The following HEPH variants were observed in gnomAD, a reference collection of about 807,000 sequenced individuals.
HEPH encodes the protein hephaestin.
Under a neutral mutation model 80.8 loss-of-function variants are expected in HEPH, and 69 were observed. The observed-to-expected ratio is 0.85, with a 90% CI of 0.70 to 1.04. The LOEUF (loss-of-function observed/expected upper bound fraction) is 1.04, where lower values mean the gene tolerates loss of function less well. HEPH is among the 50% of genes least tolerant of loss of function. HEPH has a pLI of 0.00. For synonymous variants in HEPH, 431 were observed against 322.8 expected, an observed-to-expected ratio of 1.34 and a Z score of -3.60; for missense variants, 1,115 against 891.3, an observed-to-expected ratio of 1.25 and a Z score of -3.20.
Position 66,200,111 on chromosome X carries a change from C to T in HEPH, c.1865-429C>T, listed in dbSNP as rs779013019. ...AGATGGAATTTTCAGATCCCCAACA[C>T]GTATGGGGGCGTGGAAAATGAGATC... On this transcript the variant is annotated intron_variant, in intron 11 of 20. Transcript: ENST00000343002. 2.2e-4 allele frequency among the ~76,000 whole-genome samples: 24 copies of T among 109,927 alleles called. 1 individual carries two copies. In the South Asian group the frequency reaches 9.5e-3, roughly 44 times the overall value.
At chrX:66,213,476 T>TA (rs990146187) in intron 15 of HEPH, among the ~76,000 whole-genome samples, 1 of 111,873 alleles carries the variant, frequency 8.9e-6, no homozygotes, top group Non-Finnish European at 1.9e-5. Context: ...TATGCAGCCA[T>TA]AAAAAATGAT....
intron 15 of HEPH, among the ~76,000 whole-genome samples, chrX:66,225,919 G>T (rs1029248502): frequency 8.9e-6 from 1 of 112,094 alleles, no homozygotes; most frequent in African/African-American, 3.2e-5. Context: ...GGGAGCTTCG[G>T]CAAGACTCAT....
In HEPH at chrX:66,203,285, C is replaced by T; in HGVS notation, c.2078-79C>T. On this transcript the variant is annotated intron_variant, in intron 12 of 20. Coordinates refer to ENST00000343002, the MANE Select transcript of HEPH (RefSeq NM_001367233.3). ...GAAACTAACTCTTTTCTGCAGTATG[C>T]CTAGGGAAAGGCAGGAAATCCCCCA... 7.0e-6 allele frequency: 6 copies of T among 862,705 alleles called. No individual in the cohort carries two copies. In the South Asian group the frequency reaches 9.1e-5, roughly 13 times the overall value. 71.1% of individuals were successfully genotyped at this position (862,705 alleles called of 1,213,427 possible).
At chrX:66,255,418 C>G (rs1214406341) in intron 16 of HEPH, among the ~76,000 whole-genome samples, 1 of 106,286 alleles carries the variant, frequency 9.4e-6, no homozygotes, top group Non-Finnish European at 1.9e-5. Context: ...CACAAACAAA[C>G]AAAAAACACA....
intron 17 of HEPH, among the ~76,000 whole-genome samples, chrX:66,258,523 G>A (rs1298175612): frequency 8.9e-6 from 1 of 111,798 alleles, no homozygotes; most frequent in African/African-American, 3.2e-5. Context: ...GTGGTTTGGA[G>A]TTATATTTTG....
chrX:66,199,821 G>A (rs762644829), intron 11 of HEPH, among the ~76,000 whole-genome samples: 2 of 111,954 alleles, frequency 1.8e-5, no homozygotes, highest in Non-Finnish European at 3.8e-5. Context: ...CATAAGGGAA[G>A]TTTATTCCAG....
At chrX:66,228,184 G>A (rs2089971260) in intron 15 of HEPH, among the ~76,000 whole-genome samples, 3 of 111,449 alleles carry the variant, frequency 2.7e-5, no homozygotes, top group Non-Finnish European at 5.7e-5. Flanking sequence ...CAAGCAAAAG[G>A]GGTTTCCTCT....
rs771762787 is a variant in HEPH at position 66,195,219 on chromosome X, G to T, written c.1491G>T (p.Val497=). The change falls in exon 9 of 21, where the codon GTG becomes GTT. Residue 497 remains valine (V), a synonymous_variant. Transcript: ENST00000343002. ...ATGAGAAAGACTATGAAGGCACTGT[G>T]TACAATGATGGTGAGCCAACAGGGT... ...VFYEKDYEGT[V]YNDGSSYPGL... 1 of 1,174,164 alleles carries T rather than the reference G, an allele frequency of 8.5e-7. No individual in the cohort carries two copies. The highest frequency in any genetic ancestry group is 2.4e-5 in the Admixed American group (1 of 42,018).
chrX:66,260,265 A>T lies in HEPH; in HGVS notation c.3199+3A>T. ...CTTCACTGTTTTTTCTCGAACAGGTAAGTCCTAACTTCCCCAAAATGATCA... is the reference window on the plus strand; with the variant it reads ...CTTCACTGTTTTTTCTCGAACAGGTTAGTCCTAACTTCCCCAAAATGATCA... On this transcript the variant is annotated splice_donor_region_variant and intron_variant, in intron 19 of 20. Coordinates refer to ENST00000343002, the MANE Select transcript of HEPH (RefSeq NM_001367233.3). 1 of 1,197,239 alleles carries T rather than the reference A, an allele frequency of 8.4e-7. No individual in the cohort carries two copies. Among genetic ancestry groups the T allele is most frequent in the Non-Finnish European group, 1.1e-6 (1 of 883,586 alleles).
chrX:66,264,759 G>T (rs896166604), intron 20 of HEPH, among the ~76,000 whole-genome samples: 57 of 105,359 alleles, frequency 5.4e-4, no homozygotes, highest in African/African-American at 1.9e-3. Context: ...TGGGCTTTCA[G>T]GCCATGTCTC....
Position 66,172,285 on chromosome X carries a change from C to T in HEPH, c.168-70C>T, listed in dbSNP as rs1185425174. On this transcript the variant is annotated intron_variant, in intron 2 of 20. Transcript: ENST00000343002. ...AGATAGTCACTTTTTGGTCAGTATC[C>T]TCTGGAAAAGGAACCTCTCAAGGCT... 9.3e-6 allele frequency: 10 copies of T among 1,069,550 alleles called. No homozygotes were observed. In the African/African-American group the frequency reaches 1.3e-4, roughly 14 times the overall value. 88.1% of individuals were successfully genotyped at this position (1,069,550 alleles called of 1,213,427 possible). A position where few individuals can be genotyped will look rare whatever the true frequency, so the allele number is the denominator to read the frequency against.
At chrX:66,220,800 T>G (rs889522597) in intron 15 of HEPH, among the ~76,000 whole-genome samples, 1 of 111,237 alleles carries the variant, frequency 9.0e-6, no homozygotes, top group Non-Finnish European at 1.9e-5. Flanking sequence ...GACCTTAATC[T>G]TACTTCAAAA....
intron 15 of HEPH, among the ~76,000 whole-genome samples, chrX:66,243,758 T>C (rs1029348554): frequency 1.8e-5 from 2 of 112,754 alleles, no homozygotes; most frequent in African/African-American, 6.4e-5. Context: ...CTTTATAGTG[T>C]CAATGGTCTA....
chrX:66,253,377 C>T (rs1427892386), intron 15 of HEPH, among the ~76,000 whole-genome samples: 1 of 112,274 alleles, frequency 8.9e-6, no homozygotes, highest in Admixed American at 9.4e-5. Context: ...GGTTAACCGT[C>T]AGAGAAATGG....
chrX:66,266,336 G>A, intron 20 of HEPH, 104 bp from the exon 21 acceptor site: 1 of 558,402 alleles, frequency 1.8e-6, no homozygotes, highest in Admixed American at 3.3e-5. Flanking sequence ...CAGGCCTCCT[G>A]TCCTATTTGG....
At chrX:66,231,134 A>G (rs1237462900) in intron 15 of HEPH, among the ~76,000 whole-genome samples, 5 of 109,630 alleles carry the variant, frequency 4.6e-5, no homozygotes, top group East Asian at 5.8e-4. Context: ...CCATTGATCT[A>G]TATCTCTGTT....
At chrX:66,219,300 C>A (rs1012692935) in intron 15 of HEPH, among the ~76,000 whole-genome samples, 1 of 111,974 alleles carries the variant, frequency 8.9e-6, no homozygotes, top group African/African-American at 3.2e-5. Flanking sequence ...CGAATCCATG[C>A]CACACTTGCA....
At chrX:66,251,528 T>C (rs1252897207) in intron 15 of HEPH, among the ~76,000 whole-genome samples, 1 of 112,404 alleles carries the variant, frequency 8.9e-6, no homozygotes, top group Non-Finnish European at 1.9e-5. Context: ...AATTTTTTTT[T>C]GCCTATTTTT....
At chrX:66,215,763 G>A (rs192793342) in intron 15 of HEPH, among the ~76,000 whole-genome samples, 2 of 111,040 alleles carry the variant, frequency 1.8e-5, no homozygotes, top group African/African-American at 6.6e-5. Flanking sequence ...GAGGTGCATT[G>A]CCGCTGCAAG....
Sources: allele counts gnomAD v4.1 joint callset (sites outside exome capture counted in the v4.1 genomes callset), GRCh38; gene constraint gnomAD v4.1.1; transcripts MANE v1.5; gene names NCBI Gene and HGNC (gene_info 2026-07-23, HGNC 2026-07-21).